Variants in SRCAP observed in about 807,000 individuals in gnomAD.
SRCAP encodes Snf2 related CREBBP activator protein, also known as chromatin remodeling protein SRCAP.
A neutral mutation model predicts 263.1 loss-of-function variants in SRCAP; 46 were observed. The ratio of observed to expected loss-of-function variants is 0.17; its 90% confidence interval spans 0.14 to 0.22. The LOEUF is 0.22. SRCAP is among the 10% of genes least tolerant of loss of function. The pLI is 1.00. For synonymous variants in SRCAP, 1,813 were observed against 1,662.1 expected, an observed-to-expected ratio of 1.09 and a Z score of -2.21; for missense variants, 3,695 against 4,181.9, an observed-to-expected ratio of 0.88 and a Z score of 3.21.
chr16:30,724,230 A>G lies in SRCAP; in HGVS notation c.4806A>G (p.Pro1602=), dbSNP rs758714254. The G allele has an allele frequency of 1.9e-6, 3 of 1,613,362 alleles. No homozygotes were observed. In the African/African-American group the frequency reaches 4.0e-5, roughly 22 times the overall value. Residue 1602 remains proline, a synonymous_variant, in exon 25 of 34, where the codon CCA becomes CCG. Transcript: ENST00000262518. ...AGACAGCAATTCTGGCTCCTTCTCC[A>G]GCTCCTCCTCTGGCTCCTCTTCCGG... ...APQTAILAPS[P]APPLAPLPVL... is the part of the protein sequence containing the mutation.
Position 30,721,392 on chromosome 16 carries a change from A to C in SRCAP, c.3457A>C (p.Thr1153Pro). ...AATTTSTTTA[T>P]ATTTAVPAPT... ...CACCACCACTTCTACCACCACGGCA[A>C]CTGCTACCACCACAGCAGTGCCAGC... Residue 1153 changes from threonine to proline, a missense_variant, in exon 21 of 34, where the codon ACT becomes CCT. By Grantham distance (38) the Thr-to-Pro change is conservative (BLOSUM62 -1). Coordinates refer to ENST00000262518, the MANE Select transcript of SRCAP (RefSeq NM_006662.3). 6.2e-7 allele frequency: 1 copy of C among 1,613,930 alleles called. No homozygotes were observed. Among genetic ancestry groups the C allele is most frequent in the Non-Finnish European group, 8.5e-7 (1 of 1,180,038 alleles).
rs1181680626 is a variant in SRCAP, at chr16:30,738,053, C to T, written c.8013C>T (p.Asp2671=). 1.7e-5 allele frequency: 27 copies of T among 1,614,048 alleles called. No individual in the cohort carries two copies. Among genetic ancestry groups the T allele is most frequent in the Non-Finnish European group, 2.1e-5 (25 of 1,180,052 alleles). Residue 2671 remains aspartate (D), a synonymous_variant, in exon 34 of 34, where the codon GAC becomes GAT. Transcript: ENST00000262518. ...CACTTCAGGAGCCACTGGAGGCTGA[C>T]AGGACCTCGGAAGAGCTGACAGAGG... is the stretch of plus-strand genomic sequence containing the variant. ...DEPLQEPLEA[D]RTSEELTEAK...
chr16:30,722,337 C>G, intron 22 of SRCAP, 51 bp downstream of exon 22: 1 of 1,578,076 alleles, frequency 6.3e-7, no homozygotes, highest in Non-Finnish European at 8.6e-7. Context: ...TTCCCTGTCT[C>G]TTTGTTTTTG....
chr16:30,718,420 G>C (rs1278991522), intron 18 of SRCAP, among the ~76,000 whole-genome samples: 1 of 150,246 alleles, frequency 6.7e-6, no homozygotes, highest in African/African-American at 2.5e-5. Context: ...CAGGTGATCT[G>C]TCCACCTCGG....
rs759849424 is a variant in SRCAP at position 30,736,642 on chromosome 16, T to C, written c.7008+18T>C. ...AGGCAGAAGTGAGTATTTCCAGGGG[T>C]GGGGCTGGCAGTTGGAAGCTGCTAA... On this transcript the variant is annotated intron_variant, in intron 33 of 33. Coordinates refer to ENST00000262518, the MANE Select transcript of SRCAP (RefSeq NM_006662.3). 7 of 1,612,728 alleles carry C rather than the reference T, an allele frequency of 4.3e-6. No individual in the cohort carries two copies. The highest frequency in any genetic ancestry group is 5.9e-6 in the Non-Finnish European group (7 of 1,178,966).
intron 8 of SRCAP, chr16:30,710,466 C>G: frequency 1.4e-6 from 1 of 718,636 alleles, no homozygotes; most frequent in Non-Finnish European, 2.6e-6. Flanking sequence ...TGGCATGGTA[C>G]CCTTAAGTCT....
chr16:30,722,916 C>G, intron 23 of SRCAP, 47 bp from the exon 24 acceptor site: 4 of 1,568,174 alleles, frequency 2.6e-6, no homozygotes, highest in Non-Finnish European at 3.5e-6. Context: ...TTCTTTGGGT[C>G]TTTTGTTTCT....
chr16:30,705,559 C>A (rs977656938), intron 4 of SRCAP, among the ~76,000 whole-genome samples: 3 of 150,434 alleles, frequency 2.0e-5, no homozygotes, highest in Non-Finnish European at 4.4e-5. Flanking sequence ...GCCATCACAC[C>A]CGGCTAAATT....
In SRCAP at chr16:30,722,693, C is replaced by T. The variant is rs1258663066; in HGVS notation, c.3837C>T (p.Thr1279=). The T allele has an allele frequency of 7.4e-6, 12 of 1,613,778 alleles. No homozygotes were observed. Among genetic ancestry groups the T allele is most frequent in the Non-Finnish European group, 7.6e-6 (9 of 1,179,996 alleles). ...CTGTCTCTGTGCTGCCTTCTTCGAC[C>T]CCCAGCACCACCCCTGCCCCTACTG... ...PTPVSVLPSS[T]PSTTPAPTGL... Residue 1279 remains threonine (T), a synonymous_variant, in exon 23 of 34, where the codon ACC becomes ACT. Coordinates refer to ENST00000262518, the MANE Select transcript of SRCAP (RefSeq NM_006662.3).
intron 4 of SRCAP, among the ~76,000 whole-genome samples, chr16:30,706,853 A>G (rs554394598): frequency 2.6e-5 from 4 of 152,174 alleles, no homozygotes; most frequent in South Asian, 2.1e-4. Context: ...TCCTATGTCT[A>G]TGGGGTGTGG....
At chr16:30,734,802 G>C (rs939415107) in intron 31 of SRCAP, among the ~76,000 whole-genome samples, 187 bp downstream of exon 31, 2 of 152,176 alleles carry the variant, frequency 1.3e-5, no homozygotes, top group Non-Finnish European at 2.9e-5. Flanking sequence ...AAAAAAACAG[G>C]ATTTTGGAGT....
In SRCAP at chr16:30,723,023, G is replaced by A. The variant is rs886051905; in HGVS notation, c.3953G>A (p.Arg1318Gln). 9 of 1,613,996 alleles carry A rather than the reference G, an allele frequency of 5.6e-6. No individual in the cohort carries two copies. Among genetic ancestry groups the A allele is most frequent in the Non-Finnish European group, 6.8e-6 (8 of 1,180,018 alleles). ...AAGATTGTAGTGAGACAAGCCCCTC[G>A]GGATGGACTGACTCCTGTTCCTCCA... Reference protein sequence around the residue: ...VVKIVVRQAPRDGLTPVPPLA... With the variant: ...VVKIVVRQAPQDGLTPVPPLA... The change falls in exon 24 of 34, where the codon CGG becomes CAG. Residue 1318 changes from arginine (R) to glutamine (Q), a missense_variant. By Grantham distance (43) the Arg-to-Gln change is conservative (BLOSUM62 1). Around this residue, in one of 12 missense-constraint regions of SRCAP, gnomAD observed 1,347 missense variants for 1,304.4 expected, o/e 1.03. Coordinates refer to ENST00000262518, the MANE Select transcript of SRCAP (RefSeq NM_006662.3).
chr16:30,736,190 A>G lies in SRCAP; in HGVS notation c.6730-10A>G. On this transcript the variant is annotated splice_polypyrimidine_tract_variant and intron_variant, in intron 31 of 33. Coordinates refer to ENST00000262518, the MANE Select transcript of SRCAP (RefSeq NM_006662.3). ...CTCATGTTTTCTTTTTCTTTTATAC[A>G]CCCTGGTAGGCATTGTGTCGGGCAG... 6.2e-7 allele frequency: 1 copy of G among 1,613,026 alleles called. No individual in the cohort carries two copies. Among genetic ancestry groups the G allele is most frequent in the Non-Finnish European group, 8.5e-7 (1 of 1,179,788 alleles).
rs2052893747 is a variant in SRCAP at position 30,711,671 on chromosome 16, T to C, written c.1419T>C (p.Asn473=). The change falls in exon 11 of 34, where the codon AAT becomes AAC. Residue 473 remains asparagine, a synonymous_variant. Transcript: ENST00000262518. ...EDEDEDEVDA[N]SSDCEPEGPV... ...AGGATGAAGATGAGGTTGATGCTAA[T>C]AGCTCTGACTGTGAACCAGAGGGGC... The C allele has an allele frequency of 1.2e-6, 2 of 1,613,964 alleles. No individual in the cohort carries two copies. The highest frequency in any genetic ancestry group is 2.7e-5 in the African/African-American group (2 of 74,892).
In SRCAP at chr16:30,737,075, C is replaced by A; in HGVS notation, c.7035C>A (p.Asp2345Glu). The A allele has an allele frequency of 6.2e-7, 1 of 1,604,514 alleles. No homozygotes were observed. Among genetic ancestry groups the A allele is most frequent in the Non-Finnish European group, 8.5e-7 (1 of 1,174,580 alleles). Reference protein sequence around the residue: ...AEEQVEAARKDLDQAKEEVFR... With the variant: ...AEEQVEAARKELDQAKEEVFR... Reference sequence around the variant, plus strand: ...AGCAAGTGGAAGCTGCCCGCAAAGACCTGGACCAAGCCAAGGAGGAGGTGT... The same window carrying A: ...AGCAAGTGGAAGCTGCCCGCAAAGAACTGGACCAAGCCAAGGAGGAGGTGT... The change falls in exon 34 of 34, where the codon GAC becomes GAA. Residue 2345 changes from aspartate to glutamate, a missense_variant. Asp to Glu is a conservative substitution (Grantham distance 45). This residue lies in a region of SRCAP where 91 missense variants were observed against 150.6 expected (regional missense o/e 0.60). Transcript: ENST00000262518.
intron 1 of SRCAP, among the ~76,000 whole-genome samples, chr16:30,699,619 C>G (rs551748989): frequency 6.6e-6 from 1 of 152,196 alleles, no homozygotes; most frequent in South Asian, 2.1e-4. Context: ...TTCTGAGGTT[C>G]TGGATGTGAC....
intron 4 of SRCAP, among the ~76,000 whole-genome samples, chr16:30,705,711 T>C (rs577703463): frequency 2.3e-4 from 34 of 150,860 alleles, no homozygotes; most frequent in African/African-American, 6.8e-4. Flanking sequence ...AATTGGGTTT[T>C]TTTTTTTTTC....
chr16:30,729,008 C>T lies in SRCAP; in HGVS notation c.5701C>T (p.Leu1901=), dbSNP rs1452143036. The change falls in exon 26 of 34, where the codon CTG becomes TTG. Residue 1901 remains leucine (L), a synonymous_variant. Transcript: ENST00000262518. ...GCGGAAGCGGCAGCGGTCTGAACGC[C>T]TGGAACGGATTTTCCAACTTAGTGA... ...EKRKRQRSER[L]ERIFQLSEAH... 2.5e-6 allele frequency: 4 copies of T among 1,614,128 alleles called. No individual in the cohort carries two copies. Among genetic ancestry groups the T allele is most frequent in the Non-Finnish European group, 3.4e-6 (4 of 1,180,000 alleles).
At position 30,704,233 on chromosome 16, in the gene SRCAP, G is replaced by C. The variant is rs751863851; in HGVS notation, c.224G>C (p.Ser75Thr). 2.4e-5 allele frequency: 38 copies of C among 1,614,072 alleles called. No homozygotes were observed. Among genetic ancestry groups the C allele is most frequent in the South Asian group, 2.2e-4 (20 of 91,088 alleles). The change falls in exon 4 of 34, where the codon AGC (serine) becomes ACC (threonine). Residue 75 changes from serine to threonine, a missense_variant. Around this residue, in one of 12 missense-constraint regions of SRCAP, gnomAD observed 122 missense variants for 116.9 expected, o/e 1.04. Transcript: ENST00000262518. ...DGATVPLEGF[S>T]LSQAADLANK... ...GCCACAGTGCCCCTGGAGGGGTTCA[G>C]CTTATCCCAGGCTGCTGACCTGGCT... is the stretch of plus-strand genomic sequence containing the variant.
Sources: allele counts gnomAD v4.1 joint callset (sites outside exome capture counted in the v4.1 genomes callset), GRCh38; gene constraint gnomAD v4.1.1; regional missense constraint gnomAD v4.1.1; transcripts MANE v1.5; gene names NCBI Gene and HGNC (gene_info 2026-07-23, HGNC 2026-07-21).